Variants in CLDN10 observed in about 807,000 individuals in gnomAD.
The protein encoded by CLDN10 is claudin-10.
CLDN10 carries 15 observed loss-of-function variants against 22.9 expected under a neutral mutation model. That is an observed-to-expected ratio of 0.65 (90% CI 0.44 to 1.01). The LOEUF is 1.01. CLDN10 is among the 50% of genes least tolerant of loss of function. CLDN10 has a pLI of 0.00. For missense variants in CLDN10, 247 were observed against 287.8 expected (o/e 0.86, Z 1.03); for synonymous variants, 114 against 111.4 (o/e 1.02, Z -0.15).
chr13:95,536,818 T>A (rs1350058181), intron 1 of CLDN10, among the ~76,000 whole-genome samples: 4 of 152,206 alleles, frequency 2.6e-5, no homozygotes, highest in Non-Finnish European at 5.9e-5. Flanking sequence ...AAGTTCATAT[T>A]GAAATGTCTT....
intron 1 of CLDN10, among the ~76,000 whole-genome samples, chr13:95,484,865 CAAAAAAAAAAA>C (rs746231195): frequency 0.028 from 2,601 of 93,432 alleles, 49 homozygotes; most frequent in South Asian, 0.05. Flanking sequence ...GACCCTGTCT[CAAAAAAAAAAA>C]AAAAAAAAAA....
chr13:95,520,588 G>T (rs775260033), intron 1 of CLDN10, among the ~76,000 whole-genome samples: 1 of 152,218 alleles, frequency 6.6e-6, no homozygotes, highest in South Asian at 2.1e-4. Flanking sequence ...GGTCAGGCTG[G>T]TCTCAAACTC....
chr13:95,484,721 C>G (rs1382767775), intron 1 of CLDN10, among the ~76,000 whole-genome samples: 1 of 149,852 alleles, frequency 6.7e-6, no homozygotes, highest in African/African-American at 2.5e-5. Flanking sequence ...CAAAAATTAG[C>G]CAGGTGTGGT....
chr13:95,536,082 A>G (rs74106197), intron 1 of CLDN10, among the ~76,000 whole-genome samples: 2,346 of 152,208 alleles, frequency 0.015, 60 homozygotes, highest in African/African-American at 0.053. Flanking sequence ...ACTGTAATAG[A>G]CAAGTCTATT....
At chr13:95,478,813 C>T (rs889324851) in intron 1 of CLDN10, among the ~76,000 whole-genome samples, 1 of 152,206 alleles carries the variant, frequency 6.6e-6, no homozygotes, top group Non-Finnish European at 1.5e-5. Flanking sequence ...GTGGGATCAT[C>T]CTAAGAATCA....
chr13:95,498,214 C>A lies in CLDN10; in HGVS notation c.215-61918C>A, dbSNP rs112973704. Among the ~76,000 whole-genome samples, 381 of 152,274 alleles carry A rather than the reference C, an allele frequency of 2.5e-3. 1 individual carries two copies. The highest frequency in any genetic ancestry group is 8.7e-3 in the African/African-American group (360 of 41,566). ...TCTCCCAGCATGACTATCCTGCCTTCTCACTACTGTTTCATTGAATCCTCC... is the reference window on the plus strand; with the variant it reads ...TCTCCCAGCATGACTATCCTGCCTTATCACTACTGTTTCATTGAATCCTCC... On this transcript the variant is annotated intron_variant, in intron 1 of 4. Transcript: ENST00000376873.
At chr13:95,552,543 G>C (rs371596357), upstream of CLDN10, 118 of 217,128 alleles carry the variant, frequency 5.4e-4, 1 homozygote, top group East Asian at 0.018. Context: ...GAGAACCCGG[G>C]GGGCGACCGC....
At position 95,477,297 on chromosome 13, in the gene CLDN10, T is replaced by C. The variant is rs540608113; in HGVS notation, c.214+43250T>C. On this transcript the variant is annotated intron_variant, in intron 1 of 4. Transcript: ENST00000376873. ...GGTTAGCTAGCTCAGGACTGGCTAG[T>C]TTAAATCATTTCAGCAGGCTCTGGG... 3.3e-5 allele frequency among the ~76,000 whole-genome samples: 5 copies of C among 152,014 alleles called. No individual in the cohort carries two copies. In the East Asian group the frequency reaches 9.8e-4, roughly 30 times the overall value.
intron 3 of CLDN10, among the ~76,000 whole-genome samples, chr13:95,564,606 G>A (rs1026866849): frequency 1.3e-5 from 2 of 152,276 alleles, no homozygotes; most frequent in Non-Finnish European, 2.9e-5. Context: ...TTTGTATGCC[G>A]TGTTAATTGG....
exon 1 of CLDN10, chr13:95,433,795 G>GTTCT (rs780229172): frequency 3.7e-6 from 6 of 1,608,374 alleles, no homozygotes; most frequent in Non-Finnish European, 5.1e-6. Context: ...CCACCAAAGC[G>GTTCT]TTCTGACCGG....
chr13:95,508,680 G>A (rs565760131), intron 1 of CLDN10, among the ~76,000 whole-genome samples: 78 of 152,334 alleles, frequency 5.1e-4, no homozygotes, highest in African/African-American at 1.5e-3. Context: ...AAGAGGGAGC[G>A]ATATCTGGAT....
chr13:95,504,719 A>C (rs1380489149), intron 1 of CLDN10, among the ~76,000 whole-genome samples: 3 of 151,854 alleles, frequency 2.0e-5, no homozygotes, highest in Non-Finnish European at 2.9e-5. Flanking sequence ...TTTCCTTTTT[A>C]TAGGGATATG....
At chr13:95,570,858 G>GTATATATATATATATATATA (rs55861640) in intron 3 of CLDN10, among the ~76,000 whole-genome samples, 1,259 of 119,264 alleles carry the variant, frequency 0.011, 37 homozygotes, top group Non-Finnish European at 0.015. Flanking sequence ...ATATACGTGT[G>GTATATATATATATATATATA]TATATATATA....
intron 1 of CLDN10, among the ~76,000 whole-genome samples, chr13:95,474,708 G>A (rs867961502): frequency 4.6e-5 from 7 of 152,376 alleles, no homozygotes; most frequent in South Asian, 4.1e-4. Context: ...AAACCCATAT[G>A]TAGAAACGGA....
intron 1 of CLDN10, among the ~76,000 whole-genome samples, chr13:95,524,969 C>T (rs1011354277): frequency 1.3e-5 from 2 of 151,956 alleles, no homozygotes; most frequent in Non-Finnish European, 2.9e-5. Flanking sequence ...AAGCAATTCT[C>T]CTGCCTCGGC....
At position 95,552,879 on chromosome 13, in the gene CLDN10, C is replaced by T; in HGVS notation, c.126C>T (p.Thr42=). The change falls in exon 1 of 5, where the codon ACC becomes ACT. Residue 42 remains threonine, a synonymous_variant. Coordinates refer to ENST00000299339, the MANE Select transcript of CLDN10 (RefSeq NM_006984.5). The part of the protein sequence containing the change: ...VSTIDGTVIT[T]ATYWANLWKA... ...CCATCGACGGCACGGTCATCACAACCGCCACCTATTGGGCCAACCTGTGGA... is the reference window on the plus strand; with the variant it reads ...CCATCGACGGCACGGTCATCACAACTGCCACCTATTGGGCCAACCTGTGGA... 5.6e-6 allele frequency: 9 copies of T among 1,614,130 alleles called. No individual in the cohort carries two copies. The highest frequency in any genetic ancestry group is 7.6e-6 in the Non-Finnish European group (9 of 1,180,008).
intron 1 of CLDN10, among the ~76,000 whole-genome samples, chr13:95,458,632 A>C (rs1439669527): frequency 1.3e-5 from 2 of 152,184 alleles, no homozygotes; most frequent in African/African-American, 4.8e-5. Flanking sequence ...CCCATGATTC[A>C]ATTACCTCCA....
At chr13:95,510,187 T>A (rs771497721) in intron 1 of CLDN10, among the ~76,000 whole-genome samples, 18 of 152,244 alleles carry the variant, frequency 1.2e-4, no homozygotes, top group Non-Finnish European at 2.1e-4. Context: ...CACCCTGGAA[T>A]GATAGCGAGA....
chr13:95,452,249 A>G (rs2139079172), intron 1 of CLDN10, among the ~76,000 whole-genome samples: 1 of 152,308 alleles, frequency 6.6e-6, no homozygotes, highest in East Asian at 1.9e-4. Flanking sequence ...GTCCTTTCAT[A>G]TAGATATTCA....
Sources: gnomAD v4.1 joint callset for allele counts (sites outside exome capture counted in the v4.1 genomes callset) on GRCh38, gnomAD v4.1.1 for gene constraint, MANE v1.5 for transcripts, NCBI Gene and HGNC (gene_info 2026-07-23, HGNC 2026-07-21) for gene names.